The following OSBPL6 variants were observed in gnomAD, a reference collection of about 807,000 sequenced individuals.
The protein encoded by OSBPL6 is oxysterol-binding protein-related protein 6.
Under a neutral mutation model 125.8 loss-of-function variants are expected in OSBPL6, and 49 were observed. That is an observed-to-expected ratio of 0.39 (90% confidence interval 0.31 to 0.49). The LOEUF is 0.49. Ranked by LOEUF, OSBPL6 falls within the 20% of genes least tolerant of loss-of-function variation. The pLI, the probability that OSBPL6 is intolerant of heterozygous loss-of-function variation, is 0.88. For synonymous variants in OSBPL6, 394 were observed against 391.8 expected (o/e 1.01, Z -0.07); for missense variants, 986 against 1,135.4 (o/e 0.87, Z 1.89).
intron 11 of OSBPL6, among the ~76,000 whole-genome samples, chr2:178,343,892 CATT>C (rs1366348625): frequency 1.3e-5 from 2 of 152,160 alleles, no homozygotes; most frequent in African/African-American, 4.8e-5. Flanking sequence ...AGCCTTCCCA[CATT>C]ATTTCATCAG....
Position 178,395,600 on chromosome 2 carries a change from G to T in OSBPL6, c.*41G>T. 3 of 1,392,570 alleles carry T rather than the reference G, an allele frequency of 2.2e-6. No individual in the cohort carries two copies. Among genetic ancestry groups the T allele is most frequent in the South Asian group, 2.4e-5 (2 of 84,276 alleles). 86.3% of individuals were successfully genotyped at this position (1,392,570 alleles called of 1,614,324 possible). On this transcript the variant is annotated 3_prime_UTR_variant, in exon 25 of 25. Coordinates refer to ENST00000190611, the MANE Select transcript of OSBPL6 (RefSeq NM_032523.4). ...CTAGCCAACATATCACATTCTGAAT[G>T]AATAAATAACTATGCACAATTATGT...
intron 3 of OSBPL6, chr2:178,323,734 A>T (rs1688453233): frequency 6.6e-6 from 1 of 152,624 alleles, no homozygotes; most frequent in Non-Finnish European, 1.5e-5. Flanking sequence ...AAGTGCTGAG[A>T]TTACAAGCAT....
chr2:178,306,367 T>C, intron 3 of OSBPL6, 81 bp downstream of exon 3: 1 of 877,824 alleles, frequency 1.1e-6, no homozygotes, highest in Admixed American at 2.1e-5. Flanking sequence ...GCTAATTAAT[T>C]CTGAAATTTT....
chr2:178,341,803 C>A (rs529817909), intron 11 of OSBPL6, among the ~76,000 whole-genome samples: 1 of 152,312 alleles, frequency 6.6e-6, no homozygotes, highest in South Asian at 2.1e-4. Flanking sequence ...TTGGTCCTAT[C>A]TGTGGACCTT....
chr2:178,220,452 A>G (rs1222263667), intron 1 of OSBPL6, among the ~76,000 whole-genome samples: 1 of 152,038 alleles, frequency 6.6e-6, no homozygotes, highest in Non-Finnish European at 1.5e-5. Flanking sequence ...GCACACCACC[A>G]TGGCTGGGCC....
chr2:178,381,806 C>A (rs973667309), intron 15 of OSBPL6, among the ~76,000 whole-genome samples: 1 of 152,164 alleles, frequency 6.6e-6, no homozygotes, highest in African/African-American at 2.4e-5. Context: ...GTATATGAAC[C>A]CTTTTTGTTG....
chr2:178,229,536 A>C (rs977867830), intron 1 of OSBPL6, among the ~76,000 whole-genome samples: 2 of 152,156 alleles, frequency 1.3e-5, no homozygotes, highest in Non-Finnish European at 2.9e-5. Flanking sequence ...CTTGTTAGAA[A>C]TGCAAACTGT....
At chr2:178,367,399 G>A (rs1294068529) in intron 13 of OSBPL6, among the ~76,000 whole-genome samples, 1 of 152,064 alleles carries the variant, frequency 6.6e-6, no homozygotes, top group Non-Finnish European at 1.5e-5. Flanking sequence ...CATTCCTTTT[G>A]AACCAGTTTT....
intron 1 of OSBPL6, among the ~76,000 whole-genome samples, chr2:178,198,104 CAGAT>C (rs2089011976): frequency 6.6e-6 from 1 of 152,146 alleles, no homozygotes; most frequent in African/African-American, 2.4e-5. Context: ...GTTTAGGGAA[CAGAT>C]AGGTGGGGAC....
At chr2:178,243,308 A>G (rs1480443987) in intron 1 of OSBPL6, among the ~76,000 whole-genome samples, 1 of 152,172 alleles carries the variant, frequency 6.6e-6, no homozygotes, top group African/African-American at 2.4e-5. Flanking sequence ...CATATGCTTC[A>G]TTTCTGTTTC....
At chr2:178,291,535 A>G (rs1559208943) in intron 2 of OSBPL6, among the ~76,000 whole-genome samples, 1 of 152,032 alleles carries the variant, frequency 6.6e-6, no homozygotes, top group Non-Finnish European at 1.5e-5. Flanking sequence ...TACTTACGGT[A>G]CTTGTTTTGG....
chr2:178,215,527 G>C (rs1278098983), intron 1 of OSBPL6, among the ~76,000 whole-genome samples: 1 of 152,188 alleles, frequency 6.6e-6, no homozygotes, highest in Admixed American at 6.5e-5. Flanking sequence ...TGCAGGCCCA[G>C]AGTTCTGTGA....
chr2:178,317,933 T>G (rs1429201473), intron 3 of OSBPL6, among the ~76,000 whole-genome samples: 3 of 152,230 alleles, frequency 2.0e-5, no homozygotes, highest in Admixed American at 6.5e-5. Flanking sequence ...GGTATTTGTC[T>G]ATGTGATTTG....
chr2:178,348,252 T>C (rs562588891), intron 11 of OSBPL6, among the ~76,000 whole-genome samples: 38 of 152,346 alleles, frequency 2.5e-4, no homozygotes, highest in Non-Finnish European at 5.0e-4. Flanking sequence ...AATTATCCTG[T>C]CAGTTACACA....
chr2:178,376,396 C>T (rs1019008919), intron 15 of OSBPL6, among the ~76,000 whole-genome samples: 2 of 152,060 alleles, frequency 1.3e-5, no homozygotes, highest in African/African-American at 2.4e-5. Flanking sequence ...TTGATTCACT[C>T]GGGTTCTATA....
At chr2:178,365,020 A>G (rs976030376) in intron 13 of OSBPL6, among the ~76,000 whole-genome samples, 5 of 152,150 alleles carry the variant, frequency 3.3e-5, no homozygotes, top group African/African-American at 1.2e-4. Flanking sequence ...TACTGAAAAT[A>G]CAAAAATTAG....
At chr2:178,194,020 C>G (rs1336228829), upstream of OSBPL6, among the ~76,000 whole-genome samples, 1 of 152,240 alleles carries the variant, frequency 6.6e-6, no homozygotes, top group East Asian at 1.9e-4. Context: ...GCCAGGCAGC[C>G]GTTCCTTTCG....
At chr2:178,350,346 C>A (rs921715571) in intron 12 of OSBPL6, among the ~76,000 whole-genome samples, 4 of 152,142 alleles carry the variant, frequency 2.6e-5, no homozygotes, top group Non-Finnish European at 5.9e-5. Context: ...AGTATCTTCT[C>A]AGGCGTTGTC....
chr2:178,395,319 T>C, intron 24 of OSBPL6, 132 bp from the exon 25 acceptor site: 1 of 574,168 alleles, frequency 1.7e-6, no homozygotes. Flanking sequence ...ACATCATCAG[T>C]AGCTAGCAGA....
Sources: allele counts gnomAD v4.1 joint callset (sites outside exome capture counted in the v4.1 genomes callset), GRCh38; gene constraint gnomAD v4.1.1; transcripts MANE v1.5; gene names NCBI Gene and HGNC (gene_info 2026-07-23, HGNC 2026-07-21).